PPP4R4: variants seen among roughly 807,000 people sequenced by gnomAD.
PPP4R4 encodes protein phosphatase 4 regulatory subunit 4, also known as serine/threonine-protein phosphatase 4 regulatory subunit 4.
A neutral mutation model predicts 121.8 loss-of-function variants in PPP4R4; 70 were observed. The ratio of observed to expected loss-of-function variants is 0.57; its 90% CI spans 0.47 to 0.70. The LOEUF (loss-of-function observed/expected upper bound fraction) is 0.70. Ranked by LOEUF, PPP4R4 falls within the 30% of genes least tolerant of loss-of-function variation. PPP4R4 has a pLI of 0.00. For missense variants in PPP4R4, 875 were observed against 1,033.6 expected (o/e 0.85, Z 2.10); for synonymous variants, 348 against 355.7 (o/e 0.98, Z 0.24).
rs998262348 is a variant in PPP4R4 at position 94,241,775 on chromosome 14, A to G, written c.977-13A>G. 1 of 1,517,276 alleles carries G rather than the reference A, an allele frequency of 6.6e-7. No individual in the cohort carries two copies. Among genetic ancestry groups the G allele is most frequent in the South Asian group, 1.3e-5 (1 of 76,920 alleles). 94.0% of individuals were successfully genotyped at this position (1,517,276 alleles called of 1,614,324 possible). A position where few individuals can be genotyped will look rare whatever the true frequency, so the allele number is the denominator to read the frequency against. On this transcript the variant is annotated splice_polypyrimidine_tract_variant and intron_variant, in intron 9 of 24. Coordinates refer to ENST00000304338, the MANE Select transcript of PPP4R4 (RefSeq NM_058237.2). ...AATTGAAATGTTGAGCTAGTTTTTT[A>G]TATTTGTTTTAGGAATTTTCACTCC...
At chr14:94,255,983 C>T (rs959239830) in intron 16 of PPP4R4, among the ~76,000 whole-genome samples, 1 of 152,148 alleles carries the variant, frequency 6.6e-6, no homozygotes, top group African/African-American at 2.4e-5. Context: ...TAGAGACAAG[C>T]TCTCTATATT....
intron 2 of PPP4R4, 124 bp downstream of exon 2, chr14:94,176,251 T>C (rs962194608): frequency 3.9e-6 from 3 of 772,684 alleles, no homozygotes; most frequent in African/African-American, 1.7e-5. Context: ...AGAGTACTTT[T>C]GTGTGCATAG....
In PPP4R4 at chr14:94,200,365, A is replaced by G. The variant is rs114919122; in HGVS notation, c.192-8099A>G. On this transcript the variant is annotated intron_variant, in intron 2 of 24. Coordinates refer to ENST00000304338, the MANE Select transcript of PPP4R4 (RefSeq NM_058237.2). Reference sequence around the variant, plus strand: ...CCTTATTGCACTGGCTCAGAGCTCCAACACAGTGTTGGATAGTGGTAATGG... The same window carrying G: ...CCTTATTGCACTGGCTCAGAGCTCCGACACAGTGTTGGATAGTGGTAATGG... Among the ~76,000 whole-genome samples the G allele has an allele frequency of 1.7e-3, 253 of 152,320 alleles. 1 individual carries two copies. Among genetic ancestry groups the G allele is most frequent in the African/African-American group, 5.8e-3 (240 of 41,582 alleles).
chr14:94,188,546 G>T (rs1366857485), intron 2 of PPP4R4, among the ~76,000 whole-genome samples: 1 of 152,084 alleles, frequency 6.6e-6, no homozygotes, highest in East Asian at 1.9e-4. Context: ...TCTTGACAGG[G>T]ATATGTCTAT....
chr14:94,253,737 A>G (rs139809419), intron 16 of PPP4R4, among the ~76,000 whole-genome samples: 4 of 152,354 alleles, frequency 2.6e-5, no homozygotes, highest in Non-Finnish European at 5.9e-5. Flanking sequence ...ATATTACTCT[A>G]TTAATTTCAG....
rs1276503734 is a variant in PPP4R4 at position 94,237,633 on chromosome 14, T to C, written c.800T>C (p.Val267Ala). The change falls in exon 8 of 25, where the codon GTA becomes GCA. Residue 267 changes from valine (V) to alanine (A), a missense_variant. Transcript: ENST00000304338. ...CTTTCTAGGGATGAAGGCAGCAGTG[T>C]ACGACTTGCAGCTTTTGAAACTTTG... ...IELSRDEGSS[V>A]RLAAFETLVN... is the part of the protein sequence containing the mutation. 2 of 1,611,890 alleles carry C rather than the reference T, an allele frequency of 1.2e-6. No individual in the cohort carries two copies. Among genetic ancestry groups the C allele is most frequent in the African/African-American group, 2.7e-5 (2 of 74,910 alleles).
intron 3 of PPP4R4, among the ~76,000 whole-genome samples, chr14:94,213,664 T>C (rs1451201052): frequency 6.6e-6 from 1 of 152,040 alleles, no homozygotes; most frequent in Non-Finnish European, 1.5e-5. Context: ...AATGTGAAGA[T>C]GGAGGTAGAG....
chr14:94,197,552 C>T (rs1237708113), intron 2 of PPP4R4, among the ~76,000 whole-genome samples: 7 of 152,084 alleles, frequency 4.6e-5, no homozygotes, highest in African/African-American at 1.7e-4. Context: ...CTTTATTTTG[C>T]ACCAGTTTAT....
chr14:94,230,782 G>A lies in PPP4R4; in HGVS notation c.442+48G>A, dbSNP rs375026052. On this transcript the variant is annotated intron_variant, in intron 4 of 24. Coordinates refer to ENST00000304338, the MANE Select transcript of PPP4R4 (RefSeq NM_058237.2). ...TTATATACTTGTTTATTGTTTTTTT[G>A]TGTATGGCCATGATATTATATAAAT... The A allele has an allele frequency of 1.0e-5, 16 of 1,532,884 alleles. No individual in the cohort carries two copies. In the African/African-American group the frequency reaches 1.5e-4, roughly 15 times the overall value. The allele number at this position is 1,532,884 out of a possible 1,614,324, so 95.0% of individuals were successfully genotyped here.
In PPP4R4 at chr14:94,275,482, G is replaced by T; in HGVS notation, c.2558G>T (p.Ser853Ile). The change falls in exon 24 of 25, where the codon AGC becomes ATC. Residue 853 changes from serine (S) to isoleucine (I), a missense_variant. Transcript: ENST00000304338. Reference protein sequence around the residue: ...RGTGNSVDPKSSGSKDTQPRK... With the variant: ...RGTGNSVDPKISGSKDTQPRK... ...ACAGGTAACTCAGTTGACCCCAAGA[G>T]CAGTGGAAGTAAAGATACACAACCA... is the stretch of plus-strand genomic sequence containing the variant. 1 of 1,614,052 alleles carries T rather than the reference G, an allele frequency of 6.2e-7. No individual in the cohort carries two copies. The highest frequency in any genetic ancestry group is 1.7e-5 in the Admixed American group (1 of 60,010).
At chr14:94,205,906 G>GAT (rs1890428854) in intron 2 of PPP4R4, among the ~76,000 whole-genome samples, 1 of 152,008 alleles carries the variant, frequency 6.6e-6, no homozygotes, top group East Asian at 1.9e-4. Context: ...GGTCTGTCTT[G>GAT]ATATATATTC....
intron 12 of PPP4R4, among the ~76,000 whole-genome samples, chr14:94,245,158 T>C (rs1330970624): frequency 6.6e-6 from 1 of 152,180 alleles, no homozygotes; most frequent in African/African-American, 2.4e-5. Flanking sequence ...TATGAAGACT[T>C]TGAAATACTT....
At chr14:94,245,362 C>G (rs1892838148) in intron 12 of PPP4R4, among the ~76,000 whole-genome samples, 2 of 151,966 alleles carry the variant, frequency 1.3e-5, no homozygotes, top group African/African-American at 4.8e-5. Flanking sequence ...TGGACAATGT[C>G]AAGAGGCAGG....
chr14:94,259,154 T>G, intron 18 of PPP4R4, 141 bp from the exon 19 acceptor site: 5 of 1,353,796 alleles, frequency 3.7e-6, no homozygotes, highest in Non-Finnish European at 5.0e-6. Context: ...TCCCACAACA[T>G]GTGGGAATTA....
intron 1 of PPP4R4, 22 bp downstream of exon 1, chr14:94,174,604 T>C: frequency 6.2e-7 from 1 of 1,607,290 alleles, no homozygotes; most frequent in Non-Finnish European, 8.5e-7. Flanking sequence ...GGAGAGGACC[T>C]GCCCTCACGG....
intron 2 of PPP4R4, among the ~76,000 whole-genome samples, chr14:94,203,251 A>G (rs983379439): frequency 1.3e-5 from 2 of 152,188 alleles, no homozygotes; most frequent in African/African-American, 4.8e-5. Context: ...CTATTTGCAT[A>G]ACTTTGTCAT....
chr14:94,265,966 A>G (rs1388812791), intron 22 of PPP4R4, 79 bp downstream of exon 22: 1 of 984,212 alleles, frequency 1.0e-6, no homozygotes, highest in Non-Finnish European at 1.5e-6. Flanking sequence ...TTTACATTTT[A>G]TAAAAATCAG....
intron 2 of PPP4R4, among the ~76,000 whole-genome samples, chr14:94,207,787 G>A (rs1299563850): frequency 6.6e-6 from 1 of 151,576 alleles, no homozygotes; most frequent in Non-Finnish European, 1.5e-5. Flanking sequence ...GTTTTTTGCT[G>A]TTTGTGGAAA....
At chr14:94,270,942 AAC>A (rs1164920890) in intron 23 of PPP4R4, among the ~76,000 whole-genome samples, 3 of 151,762 alleles carry the variant, frequency 2.0e-5, no homozygotes, top group African/African-American at 4.8e-5. Flanking sequence ...CAACAACAAC[AAC>A]AAAAAAAGAC....
Sources: allele counts gnomAD v4.1 joint callset (sites outside exome capture counted in the v4.1 genomes callset), GRCh38; gene constraint gnomAD v4.1.1; transcripts MANE v1.5; gene names NCBI Gene and HGNC (gene_info 2026-07-23, HGNC 2026-07-21).